The following ZSWIM5 variants were observed in gnomAD, a reference collection of about 807,000 sequenced individuals.
ZSWIM5 encodes the protein zinc finger SWIM-type containing 5.
Under a neutral mutation model 119.6 loss-of-function variants are expected in ZSWIM5, and 55 were observed. That is an observed-to-expected ratio of 0.46 (90% CI 0.37 to 0.58). The LOEUF (loss-of-function observed/expected upper bound fraction) is 0.58. Among genes scored for constraint, ZSWIM5 ranks in the 20% least tolerant of loss-of-function variants. ZSWIM5 has a pLI of 0.00. For synonymous variants in ZSWIM5, 537 were observed against 606.9 expected, an observed-to-expected ratio of 0.88 and a Z score of 1.69; for missense variants, 1,193 against 1,512.8, an observed-to-expected ratio of 0.79 and a Z score of 3.51.
intron 1 of ZSWIM5, among the ~76,000 whole-genome samples, chr1:45,153,384 T>C (rs1251575240): frequency 6.6e-6 from 1 of 151,664 alleles, no homozygotes; most frequent in Non-Finnish European, 1.5e-5. Context: ...TGTGTGCCTG[T>C]AGTCACCACT....
intron 4 of ZSWIM5, among the ~76,000 whole-genome samples, chr1:45,053,177 C>T (rs552767877): frequency 4.0e-5 from 6 of 151,214 alleles, no homozygotes; most frequent in African/African-American, 1.5e-4. Context: ...AACAGTGACT[C>T]TTTAGGGGAT....
chr1:45,084,664 G>T (rs1033833537), intron 2 of ZSWIM5, among the ~76,000 whole-genome samples: 4 of 152,210 alleles, frequency 2.6e-5, no homozygotes, highest in African/African-American at 9.7e-5. Flanking sequence ...CCCCAACCAA[G>T]TCCAAAACCC....
intron 1 of ZSWIM5, among the ~76,000 whole-genome samples, chr1:45,137,339 G>A (rs148083863): frequency 2.2e-4 from 33 of 152,288 alleles, no homozygotes; most frequent in Admixed American, 7.2e-4. Context: ...ATAAGCCACA[G>A]CATCTAATCC....
intron 1 of ZSWIM5, among the ~76,000 whole-genome samples, chr1:45,143,044 T>G (rs1368922126): frequency 3.4e-5 from 5 of 149,112 alleles, no homozygotes; most frequent in African/African-American, 1.2e-4. Flanking sequence ...GTGTGGTGCA[T>G]GCCTATGGTC....
chr1:45,080,638 T>G (rs192162589), intron 2 of ZSWIM5, among the ~76,000 whole-genome samples: 1 of 152,284 alleles, frequency 6.6e-6, no homozygotes, highest in East Asian at 1.9e-4. Context: ...ACTTTTTTTG[T>G]GTGTAGATGG....
At chr1:45,026,472 CTT>C (rs1284069527) in intron 11 of ZSWIM5, among the ~76,000 whole-genome samples, 1 of 151,960 alleles carries the variant, frequency 6.6e-6, no homozygotes. Flanking sequence ...TGATGAATGA[CTT>C]TTCTTCTTTG....
chr1:45,100,463 G>A (rs935042149), intron 1 of ZSWIM5, among the ~76,000 whole-genome samples: 2 of 152,100 alleles, frequency 1.3e-5, no homozygotes, highest in African/African-American at 2.4e-5. Context: ...TCATGAAAAC[G>A]GCCATACTGC....
At chr1:45,097,311 A>G (rs1645409346) in intron 1 of ZSWIM5, among the ~76,000 whole-genome samples, 1 of 152,200 alleles carries the variant, frequency 6.6e-6, no homozygotes, top group East Asian at 1.9e-4. Context: ...AGATATATAC[A>G]AATTTCCCCT....
At chr1:45,151,204 G>C (rs1455967934) in intron 1 of ZSWIM5, among the ~76,000 whole-genome samples, 5 of 151,644 alleles carry the variant, frequency 3.3e-5, no homozygotes, top group Admixed American at 2.0e-4. Context: ...ACTACCATCT[G>C]ATTATTGAGT....
At chr1:45,024,053 G>A (rs1644905336) in intron 11 of ZSWIM5, among the ~76,000 whole-genome samples, 1 of 151,812 alleles carries the variant, frequency 6.6e-6, no homozygotes, top group Admixed American at 6.6e-5. Context: ...TTTAAAATTG[G>A]GTTGTTTTCT....
Position 45,193,938 on chromosome 1 carries a change from G to GTATATATATA in ZSWIM5, c.595+11808_595+11817dup, listed in dbSNP as rs112350029. ...TATGTGTACATATGTGTGCATATGT[G>GTATATATATA]TATATATATATATATATACATACAT... On this transcript the variant is annotated intron_variant, in intron 1 of 13. Transcript: ENST00000359600. Among the ~76,000 whole-genome samples the GTATATATATA allele has an allele frequency of 1.7e-3, 250 of 146,272 alleles. 2 individuals carry two copies. The highest frequency in any genetic ancestry group is 0.014 in the Admixed American group (201 of 14,658).
chr1:45,176,802 T>A (rs1013151860), intron 1 of ZSWIM5, among the ~76,000 whole-genome samples: 1 of 152,040 alleles, frequency 6.6e-6, no homozygotes, highest in Non-Finnish European at 1.5e-5. Flanking sequence ...CCTATGGCTC[T>A]ACACTCCCCT....
At position 45,044,837 on chromosome 1, in the gene ZSWIM5, ATATATATATATAG is replaced by A. The variant is rs1557746720; in HGVS notation, c.1433-1455_1433-1443del. ...TATATATATAAATATATATATATAA[ATATATATATATAG>A]ATTAGCCGGGCATGGTGGCGTGGCC... On this transcript the variant is annotated intron_variant, in intron 5 of 13. Transcript: ENST00000359600. Among the ~76,000 whole-genome samples, 19 of 7,504 alleles carry A rather than the reference ATATATATATATAG, an allele frequency of 2.5e-3. 4 individuals carry two copies. Among genetic ancestry groups the A allele is most frequent in the African/African-American group, 9.2e-3 (17 of 1,840 alleles). The allele number at this position is 7,504 out of a possible 152,430, so 4.9% of individuals were successfully genotyped here.
At chr1:45,127,725 C>T (rs1645630153) in intron 1 of ZSWIM5, among the ~76,000 whole-genome samples, 1 of 152,132 alleles carries the variant, frequency 6.6e-6, no homozygotes, top group Admixed American at 6.5e-5. Context: ...AGGCTTGAGC[C>T]CTCACCACTC....
chr1:45,166,110 T>G (rs1290368314), intron 1 of ZSWIM5, among the ~76,000 whole-genome samples: 7 of 152,118 alleles, frequency 4.6e-5, no homozygotes, highest in Admixed American at 1.3e-4. Context: ...ATCAAAAAGC[T>G]TATCCGCCAT....
chr1:45,060,330 TCAAA>T, intron 2 of ZSWIM5, 83 bp from the exon 3 acceptor site: 3 of 1,451,974 alleles, frequency 2.1e-6, no homozygotes, highest in South Asian at 1.2e-5. Context: ...GTGAGCATAT[TCAAA>T]CAGAGATGGG....
intron 1 of ZSWIM5, among the ~76,000 whole-genome samples, chr1:45,098,021 T>A (rs531710303): frequency 6.6e-6 from 1 of 152,186 alleles, no homozygotes; most frequent in South Asian, 2.1e-4. Context: ...GTAGAATAAG[T>A]AGGAATTAAT....
In ZSWIM5 at chr1:45,017,581, TACAC is replaced by T. The variant is rs1298187007; in HGVS notation, c.*869_*872del. On this transcript the variant is annotated 3_prime_UTR_variant, in exon 14 of 14. Transcript: ENST00000359600. ...ACACACATGTACTTAGCCATAAAGA[TACAC>T]ACACACAATTATAGATGAAACCACA... 2 of 152,156 alleles carry T rather than the reference TACAC, an allele frequency of 1.3e-5. No homozygotes were observed. Among genetic ancestry groups the T allele is most frequent in the African/African-American group, 2.4e-5 (1 of 41,416 alleles). The allele number at this position is 152,156 out of a possible 1,614,324, so 9.4% of individuals were successfully genotyped here.
At chr1:45,121,649 G>A (rs970973158) in intron 1 of ZSWIM5, among the ~76,000 whole-genome samples, 7 of 148,136 alleles carry the variant, frequency 4.7e-5, no homozygotes, top group Non-Finnish European at 7.4e-5. Context: ...GCCTAGGCTG[G>A]AGTGCAGTGG....
Sources: gnomAD v4.1 joint callset for allele counts (sites outside exome capture counted in the v4.1 genomes callset) on GRCh38, gnomAD v4.1.1 for gene constraint, MANE v1.5 for transcripts, NCBI Gene and HGNC (gene_info 2026-07-23, HGNC 2026-07-21) for gene names.